The following ATM variants were observed in gnomAD, a reference collection of about 807,000 sequenced individuals.
ATM encodes the protein ATM serine/threonine kinase.
A neutral mutation model predicts 387.0 loss-of-function variants in ATM; 308 were observed. The ratio of observed to expected loss-of-function variants is 0.80; its 90% CI spans 0.73 to 0.87. The LOEUF (loss-of-function observed/expected upper bound fraction) is 0.87. Ranked by LOEUF, ATM falls within the 40% of genes least tolerant of loss-of-function variation. The probability of loss-of-function intolerance (pLI) is 0.00; values close to 1 mark genes in which losing one functional copy is unlikely to be tolerated. For synonymous variants in ATM, 1,156 were observed against 1,187.3 expected (o/e 0.97, Z 0.54); for missense variants, 3,312 against 3,560.9 (o/e 0.93, Z 1.78).
chr11:108,256,287 G>A lies in ATM; in HGVS notation c.2197G>A (p.Gly733Ser), dbSNP rs1565394966. ...TGTCCTTGGCTGCTACTGTTACATG[G>A]GTGTAATAGCTGAAGAGGAAGCATA... ...VGVLGCYCYM[G>S]VIAEEEAYKS... The change falls in exon 14 of 63, where the codon GGT becomes AGT. Residue 733 changes from glycine (G) to serine (S), a missense_variant. Around this residue, in one of 4 missense-constraint regions of ATM, gnomAD observed 1,791 missense variants for 1,804.5 expected, o/e 0.99. Transcript: ENST00000675843. 1 of 1,611,106 alleles carries A rather than the reference G, an allele frequency of 6.2e-7. No homozygotes were observed. Among genetic ancestry groups the A allele is most frequent in the Non-Finnish European group, 8.5e-7 (1 of 1,178,116 alleles).
chr11:108,308,884 G>T, intron 38 of ATM: 1 of 731,360 alleles, frequency 1.4e-6, no homozygotes, highest in Non-Finnish European at 2.3e-6. Flanking sequence ...CTTCTGAGGA[G>T]GCCTATCAGA....
At chr11:108,331,610 T>C (rs1220106242) in intron 51 of ATM, 53 bp downstream of exon 51, 3 of 1,417,982 alleles carry the variant, frequency 2.1e-6, no homozygotes, top group East Asian at 2.7e-5. Flanking sequence ...CTATTATTAC[T>C]ATATATTATA....
chr11:108,304,594 G>T (rs2083583967), intron 36 of ATM, 81 bp from the exon 37 acceptor site: 4 of 1,330,588 alleles, frequency 3.0e-6, no homozygotes, highest in Middle Eastern at 2.4e-4. Flanking sequence ...ATGTCAACGG[G>T]GCATGAAAAT....
intron 36 of ATM, 108 bp from the exon 37 acceptor site, chr11:108,304,567 T>C (rs1298838487): frequency 1.8e-6 from 2 of 1,110,238 alleles, no homozygotes; most frequent in East Asian, 2.6e-5. Flanking sequence ...TAATCTATCA[T>C]CTTTTAGAAA....
rs1555127125 is a variant in ATM, at chr11:108,335,014, T to C, written c.8056T>C (p.Phe2686Leu). 1 of 1,613,950 alleles carries C rather than the reference T, an allele frequency of 6.2e-7. No homozygotes were observed. Among genetic ancestry groups the C allele is most frequent in the Non-Finnish European group, 8.5e-7 (1 of 1,179,832 alleles). ...EYGNLVTIQS[F>L]KAEFRLAGGV... ...TGGAAATCTGGTGACTATACAGTCA[T>C]TTAAAGCAGAATTTCGCTTAGCAGG... The change falls in exon 55 of 63, where the codon TTT becomes CTT. Residue 2686 changes from phenylalanine (F) to leucine (L), a missense_variant. Physicochemically the swap from Phe to Leu is conservative, Grantham distance 22. Coordinates refer to ENST00000675843, the MANE Select transcript of ATM (RefSeq NM_000051.4).
rs1296890387 is a variant in ATM at position 108,312,550 on chromosome 11, G to C, written c.6006+52G>C. 12 of 1,307,042 alleles carry C rather than the reference G, an allele frequency of 9.2e-6. 1 individual carries two copies. Among genetic ancestry groups the C allele is most frequent in the Non-Finnish European group, 1.1e-5 (10 of 904,754 alleles). 81.0% of individuals were successfully genotyped at this position (1,307,042 alleles called of 1,614,324 possible). The stretch of plus-strand genomic sequence containing the variant: ...TGACAGTATTTATCTCATACTTTGG[G>C]TTATTTTGTTATAGACACTGTACAG... On this transcript the variant is annotated intron_variant, in intron 40 of 62. Transcript: ENST00000675843.
chr11:108,320,876 T>C (rs2085153578), intron 44 of ATM, among the ~76,000 whole-genome samples: 1 of 151,996 alleles, frequency 6.6e-6, no homozygotes, highest in South Asian at 2.1e-4. Flanking sequence ...TTAACACATA[T>C]TTTGTATAAG....
At position 108,293,484 on chromosome 11, in the gene ATM, A is replaced by C. The variant is rs2082927524; in HGVS notation, c.4776+7A>C. 1 of 1,603,446 alleles carries C rather than the reference A, an allele frequency of 6.2e-7. No individual in the cohort carries two copies. Among genetic ancestry groups the C allele is most frequent in the South Asian group, 1.1e-5 (1 of 90,764 alleles). The stretch of plus-strand genomic sequence containing the variant: ...ACCCTTTTCACTCTTGGAGGTAATA[A>C]AAATTTCATCATCTACTATTTTTTA... On this transcript the variant is annotated splice_region_variant and intron_variant, in intron 31 of 62. Coordinates refer to ENST00000675843, the MANE Select transcript of ATM (RefSeq NM_000051.4).
chr11:108,359,790 C>A (rs1280340194), intron 61 of ATM, among the ~76,000 whole-genome samples: 1 of 151,914 alleles, frequency 6.6e-6, no homozygotes, highest in African/African-American at 2.4e-5. Flanking sequence ...GGGACACATT[C>A]AAAGCAGTGT....
At chr11:108,261,107 C>T (rs1276123225) in intron 16 of ATM, among the ~76,000 whole-genome samples, 3 of 152,198 alleles carry the variant, frequency 2.0e-5, no homozygotes, top group Admixed American at 6.5e-5. Flanking sequence ...ACAAAGCAGC[C>T]GGGAAGCTCG....
rs759379354 is a variant in ATM, at chr11:108,245,038, A to G, written c.901+12A>G. The G allele has an allele frequency of 8.8e-6, 14 of 1,584,832 alleles. No individual in the cohort carries two copies. The highest frequency in any genetic ancestry group is 1.2e-5 in the Non-Finnish European group (14 of 1,160,236). ...AACCCAAGAAAAAGGTATAAAGGAA[A>G]TGTTTACTGTTTTGAATTTGCTTCT... On this transcript the variant is annotated intron_variant, in intron 7 of 62. Coordinates refer to ENST00000675843, the MANE Select transcript of ATM (RefSeq NM_000051.4).
At chr11:108,326,889 G>A (rs2085732760) in intron 47 of ATM, among the ~76,000 whole-genome samples, 1 of 152,070 alleles carries the variant, frequency 6.6e-6, no homozygotes, top group African/African-American at 2.4e-5. Context: ...GCAGTGGTAC[G>A]ACATCGGCTC....
rs567908537 is a variant in ATM at position 108,304,771 on chromosome 11, C to T, written c.5593C>T (p.His1865Tyr). Residue 1865 changes from histidine to tyrosine, a missense_variant, in exon 37 of 63, where the codon CAT becomes TAT. Transcript: ENST00000675843. ...NESWRNLLST[H>Y]VQGFFTSCLR... ...ATCATGGAGAAATCTGCTTTCTACA[C>T]ATGTTCAGGGATTTTTCACCAGCTG... 2 of 1,613,976 alleles carry T rather than the reference C, an allele frequency of 1.2e-6. No homozygotes were observed. Among genetic ancestry groups the T allele is most frequent in the Non-Finnish European group, 1.7e-6 (2 of 1,179,980 alleles).
intron 13 of ATM, among the ~76,000 whole-genome samples, chr11:108,255,054 A>G (rs936904096): frequency 6.6e-6 from 1 of 152,210 alleles, no homozygotes; most frequent in South Asian, 2.1e-4. Context: ...TTTGTATACA[A>G]ATATCTCTTG....
intron 29 of ATM, among the ~76,000 whole-genome samples, chr11:108,291,436 A>C (rs1024951594): frequency 6.6e-6 from 1 of 152,218 alleles, no homozygotes; most frequent in African/African-American, 2.4e-5. Context: ...TTGTTGTGCA[A>C]CCATCACCAC....
chr11:108,332,162 T>C, intron 52 of ATM, 125 bp downstream of exon 52: 5 of 1,245,262 alleles, frequency 4.0e-6, no homozygotes, highest in Non-Finnish European at 5.6e-6. Context: ...GCACGGTGGC[T>C]CACGCCTGTA....
intron 22 of ATM, among the ~76,000 whole-genome samples, chr11:108,277,268 G>C (rs900401606): frequency 1.3e-5 from 2 of 152,166 alleles, no homozygotes; most frequent in Non-Finnish European, 2.9e-5. Flanking sequence ...CTGGCAGCGA[G>C]AATTTCAAGC....
chr11:108,368,288 C>CA lies in ATM; in HGVS notation c.*2797dup, dbSNP rs765253087. The CA allele has an allele frequency of 0.058, 5,618 of 96,884 alleles. 109 individuals are homozygous for CA. The highest frequency in any genetic ancestry group is 0.14 in the African/African-American group (2,870 of 20,310). 6.0% of individuals were successfully genotyped at this position (96,884 alleles called of 1,614,324 possible). A position where few individuals can be genotyped will look rare whatever the true frequency, so the allele number is the denominator to read the frequency against. ...TTGGCGACAGAGCAAGACTCTGCCT[C>CA]AAAAAAAAAAAAAAAAAGGTTTTGG... On this transcript the variant is annotated 3_prime_UTR_variant, in exon 63 of 63. Transcript: ENST00000675843.
At chr11:108,359,350 G>C (rs2090427599) in intron 61 of ATM, among the ~76,000 whole-genome samples, 1 of 151,962 alleles carries the variant, frequency 6.6e-6, no homozygotes, top group Non-Finnish European at 1.5e-5. Context: ...AATAATGGGA[G>C]ACTTTAACAC....
Sources: gnomAD v4.1 joint callset for allele counts (sites outside exome capture counted in the v4.1 genomes callset) on GRCh38, gnomAD v4.1.1 for gene constraint, gnomAD v4.1.1 regional missense constraint, MANE v1.5 for transcripts, NCBI Gene and HGNC (gene_info 2026-07-23, HGNC 2026-07-21) for gene names.